Variants in UBQLN1 observed in about 807,000 individuals in gnomAD.
UBQLN1 encodes ubiquilin 1.
UBQLN1 carries 13 observed loss-of-function variants against 65.4 expected under a neutral mutation model. The ratio of observed to expected loss-of-function variants is 0.20; its 90% CI spans 0.13 to 0.32. UBQLN1 has a LOEUF of 0.32. Among genes scored for constraint, UBQLN1 ranks in the 10% least tolerant of loss-of-function variants. The pLI is 1.00. For missense variants in UBQLN1, 561 were observed against 724.0 expected (o/e 0.77, Z 2.58); for synonymous variants, 267 against 247.8 (o/e 1.08, Z -0.73).
chr9:83,694,113 A>G (rs914541378), intron 1 of UBQLN1, among the ~76,000 whole-genome samples: 1 of 152,248 alleles, frequency 6.6e-6, no homozygotes, highest in Non-Finnish European at 1.5e-5. Flanking sequence ...ACTTGCTTTT[A>G]AACAACCATT....
intron 6 of UBQLN1, among the ~76,000 whole-genome samples, chr9:83,671,077 T>C (rs192942643): frequency 6.6e-6 from 1 of 152,186 alleles, no homozygotes; most frequent in African/African-American, 2.4e-5. Flanking sequence ...GGGATCCTCC[T>C]GCCCGAACCT....
At chr9:83,687,570 T>A (rs1273721180) in intron 1 of UBQLN1, among the ~76,000 whole-genome samples, 1 of 152,172 alleles carries the variant, frequency 6.6e-6, no homozygotes, top group Non-Finnish European at 1.5e-5. Context: ...CTTCTGGTTG[T>A]CACGATAAAC....
intron 2 of UBQLN1, 47 bp downstream of exon 2, chr9:83,685,957 G>A (rs375582280): frequency 8.6e-6 from 13 of 1,520,054 alleles, no homozygotes; most frequent in South Asian, 2.5e-5. Context: ...TTAGAAGTAC[G>A]AACATTTATC....
chr9:83,667,370 G>T, intron 7 of UBQLN1: 1 of 382,032 alleles, frequency 2.6e-6, no homozygotes, highest in Non-Finnish European at 3.6e-6. Flanking sequence ...AGTCTGGGGA[G>T]GAAATGATCC....
chr9:83,689,246 C>T (rs1266621200), intron 1 of UBQLN1, among the ~76,000 whole-genome samples: 1 of 152,222 alleles, frequency 6.6e-6, no homozygotes, highest in Non-Finnish European at 1.5e-5. Flanking sequence ...TGTGTCAATA[C>T]TTCATCCCTT....
chr9:83,681,056 T>A (rs548135824), intron 3 of UBQLN1, among the ~76,000 whole-genome samples: 3 of 152,336 alleles, frequency 2.0e-5, no homozygotes, highest in Admixed American at 1.3e-4. Flanking sequence ...AGACTATGCT[T>A]CTAATAATCT....
chr9:83,704,864 C>A (rs1244531413), intron 1 of UBQLN1, among the ~76,000 whole-genome samples: 1 of 148,088 alleles, frequency 6.8e-6, no homozygotes, highest in African/African-American at 2.5e-5. Flanking sequence ...TTGGTTACAG[C>A]AGAGTAAAAT....
chr9:83,691,754 A>C (rs2131176698), intron 1 of UBQLN1, among the ~76,000 whole-genome samples: 1 of 152,330 alleles, frequency 6.6e-6, no homozygotes, highest in South Asian at 2.1e-4. Context: ...TTGACAATTA[A>C]TGTCATAGAT....
At chr9:83,697,551 CAAAAAAAAAAAAAAA>C (rs750268209) in intron 1 of UBQLN1, among the ~76,000 whole-genome samples, 6 of 34,476 alleles carry the variant, frequency 1.7e-4, no homozygotes, top group Admixed American at 4.3e-4. Context: ...GACACTGTCT[CAAAAAAAAAAAAAAA>C]AAAAAAAAAA....
chr9:83,697,194 A>G (rs565529995), intron 1 of UBQLN1, among the ~76,000 whole-genome samples: 43 of 151,616 alleles, frequency 2.8e-4, no homozygotes, highest in African/African-American at 9.7e-4. Flanking sequence ...CTACTACTTA[A>G]TATGTGTATG....
At chr9:83,677,081 A>G (rs1587645739) in intron 6 of UBQLN1, among the ~76,000 whole-genome samples, 1 of 152,188 alleles carries the variant, frequency 6.6e-6, no homozygotes, top group African/African-American at 2.4e-5. Context: ...TTTTTAATAA[A>G]CCTGGCAGGT....
At chr9:83,673,140 G>A (rs1195845886) in intron 6 of UBQLN1, among the ~76,000 whole-genome samples, 2 of 152,168 alleles carry the variant, frequency 1.3e-5, no homozygotes, top group Non-Finnish European at 2.9e-5. Context: ...TGAGAAGGGA[G>A]AATCGTTTGA....
At position 83,664,005 on chromosome 9, in the gene UBQLN1, C is replaced by T. The variant is rs1194580544; in HGVS notation, c.1487G>A (p.Gly496Asp). The T allele has an allele frequency of 1.2e-6, 2 of 1,614,108 alleles. No homozygotes were observed. Among genetic ancestry groups the T allele is most frequent in the Non-Finnish European group, 1.7e-6 (2 of 1,179,970 alleles). ...GTTAGATCCATTAGTTCCCGAAGAGCCTCCAGTGCTTCCTAATGCCCCCAA... is the reference window on the plus strand; with the variant it reads ...GTTAGATCCATTAGTTCCCGAAGAGTCTCCAGTGCTTCCTAATGCCCCCAA... ...PGLGALGSTG[G>D]SSGTNGSNAT... Residue 496 changes from glycine to aspartate, a missense_variant, in exon 10 of 11, where the codon GGC (glycine) becomes GAC (aspartate). Physicochemically the swap from Gly to Asp is moderately conservative, Grantham distance 94. Around this residue, in one of 8 missense-constraint regions of UBQLN1, gnomAD observed 68 missense variants for 62.2 expected, o/e 1.09. Transcript: ENST00000376395.
At chr9:83,702,782 T>C (rs1832332945) in intron 1 of UBQLN1, among the ~76,000 whole-genome samples, 7 of 151,988 alleles carry the variant, frequency 4.6e-5, no homozygotes, top group Admixed American at 6.5e-5. Context: ...CTATACAGTA[T>C]AACGTTAAAT....
At chr9:83,672,998 G>A (rs1217698848) in intron 6 of UBQLN1, among the ~76,000 whole-genome samples, 1 of 152,218 alleles carries the variant, frequency 6.6e-6, no homozygotes, top group African/African-American at 2.4e-5. Flanking sequence ...TTGGGACGCT[G>A]AGGCGGGTGG....
intron 9 of UBQLN1, among the ~76,000 whole-genome samples, chr9:83,664,393 T>G (rs1191417413): frequency 1.3e-5 from 2 of 152,136 alleles, no homozygotes; most frequent in African/African-American, 4.8e-5. Context: ...CACTCCAGTC[T>G]GCTCGATGGA....
intron 1 of UBQLN1, among the ~76,000 whole-genome samples, chr9:83,692,244 ATT>A (rs1305012462): frequency 6.6e-6 from 1 of 152,250 alleles, no homozygotes; most frequent in African/African-American, 2.4e-5. Context: ...TCTAAATGGA[ATT>A]TGTCCTACAG....
At chr9:83,662,121 T>C (rs1322342281) in intron 10 of UBQLN1, among the ~76,000 whole-genome samples, 182 bp from the exon 11 acceptor site, 1 of 152,206 alleles carries the variant, frequency 6.6e-6, no homozygotes. Context: ...TTATTTTAAA[T>C]AGTCTAGTTT....
intron 1 of UBQLN1, among the ~76,000 whole-genome samples, chr9:83,702,407 CAAT>C (rs1832323833): frequency 6.6e-6 from 1 of 151,962 alleles, no homozygotes; most frequent in Non-Finnish European, 1.5e-5. Context: ...AATAAGAAAA[CAAT>C]GATCTCACAG....
Sources: gnomAD v4.1 joint callset for allele counts (sites outside exome capture counted in the v4.1 genomes callset) on GRCh38, gnomAD v4.1.1 for gene constraint, gnomAD v4.1.1 regional missense constraint, MANE v1.5 for transcripts, NCBI Gene and HGNC (gene_info 2026-07-23, HGNC 2026-07-21) for gene names.